The following NOX4 variants were observed in gnomAD, a reference collection of about 807,000 sequenced individuals.
NOX4 encodes the protein NADPH oxidase 4, also known as kidney oxidase-1.
Under a neutral mutation model 87.6 loss-of-function variants are expected in NOX4, and 69 were observed. The observed-to-expected ratio is 0.79, with a 90% CI of 0.65 to 0.96. NOX4 has a LOEUF of 0.96. Ranked by LOEUF, NOX4 falls within the 40% of genes least tolerant of loss-of-function variation. The probability of loss-of-function intolerance (pLI) is 0.00; values close to 1 mark genes in which losing one functional copy is unlikely to be tolerated. For synonymous variants in NOX4, 275 were observed against 238.2 expected, an observed-to-expected ratio of 1.15 and a Z score of -1.42; for missense variants, 680 against 681.5, an observed-to-expected ratio of 1.00 and a Z score of 0.02.
chr11:89,540,364 C>T, the NOX4 span, among the ~76,000 whole-genome samples: 1 of 152,066 alleles, frequency 6.6e-6, no homozygotes, highest in East Asian at 1.9e-4. Context: ...TAAGAAATTG[C>T]CTGTACTTAC....
At chr11:89,393,847 T>A (rs1941291576) in intron 11 of NOX4, among the ~76,000 whole-genome samples, 1 of 152,194 alleles carries the variant, frequency 6.6e-6, no homozygotes, top group Non-Finnish European at 1.5e-5. Context: ...AATTGAGTTC[T>A]AAAATCCTTG....
intron 5 of NOX4, among the ~76,000 whole-genome samples, chr11:89,442,138 AAG>A (rs1039816651): frequency 2.0e-5 from 3 of 151,454 alleles, no homozygotes; most frequent in African/African-American, 4.8e-5. Flanking sequence ...ATTTATTAAA[AAG>A]AGAGAAAAAA....
chr11:89,562,686 T>G, the NOX4 span, among the ~76,000 whole-genome samples: 10 of 152,336 alleles, frequency 6.6e-5, no homozygotes, highest in African/African-American at 2.4e-4. Context: ...TTTCTGAAAC[T>G]GTTCCTGACA....
chr11:89,429,305 G>A (rs1345769298), intron 7 of NOX4, among the ~76,000 whole-genome samples: 2 of 151,982 alleles, frequency 1.3e-5, no homozygotes, highest in South Asian at 2.1e-4. Flanking sequence ...AAGAACTAGA[G>A]AAGCAAGAGC....
the NOX4 span, among the ~76,000 whole-genome samples, chr11:89,549,496 AT>A: frequency 6.6e-6 from 1 of 152,086 alleles, no homozygotes; most frequent in Non-Finnish European, 1.5e-5. Flanking sequence ...GTACATTTTA[AT>A]TTTTTTATTA....
chr11:89,504,984 C>T, the NOX4 span, among the ~76,000 whole-genome samples: 1 of 151,894 alleles, frequency 6.6e-6, no homozygotes, highest in Non-Finnish European at 1.5e-5. Flanking sequence ...TTTTGGTTGC[C>T]ACCTTGCCTT....
chr11:89,561,552 G>T, the NOX4 span, among the ~76,000 whole-genome samples: 1 of 152,136 alleles, frequency 6.6e-6, no homozygotes, highest in Non-Finnish European at 1.5e-5. Flanking sequence ...CTAATGTTAA[G>T]TTATATTCAG....
chr11:89,473,464 CA>C (rs57686439), intron 2 of NOX4, among the ~76,000 whole-genome samples: 11,702 of 141,716 alleles, frequency 0.083, 1,398 homozygotes, highest in African/African-American at 0.27. Flanking sequence ...CCTGAATAAA[CA>C]AAAAAAAAAA....
chr11:89,494,601 G>T (rs1428408682), upstream of NOX4, among the ~76,000 whole-genome samples: 1 of 152,174 alleles, frequency 6.6e-6, no homozygotes, highest in Non-Finnish European at 1.5e-5. Flanking sequence ...TAGTGGTTAA[G>T]TATATCATCT....
chr11:89,394,725 T>A (rs1220314831), intron 11 of NOX4, among the ~76,000 whole-genome samples: 1 of 152,078 alleles, frequency 6.6e-6, no homozygotes, highest in East Asian at 1.9e-4. Context: ...ATTCTTCAAT[T>A]CCCACCTATG....
At chr11:89,562,462 C>T in the NOX4 span, among the ~76,000 whole-genome samples, 3 of 152,032 alleles carry the variant, frequency 2.0e-5, no homozygotes, top group Admixed American at 6.6e-5. Flanking sequence ...CCACTGATTC[C>T]GATATAAGTA....
chr11:89,452,852 C>G (rs1271847805), intron 2 of NOX4, among the ~76,000 whole-genome samples: 1 of 151,972 alleles, frequency 6.6e-6, no homozygotes, highest in Non-Finnish European at 1.5e-5. Context: ...GTAGCTAGGA[C>G]TACAGATGCA....
At chr11:89,502,779 A>C (rs931542957), upstream of NOX4, among the ~76,000 whole-genome samples, 1 of 152,096 alleles carries the variant, frequency 6.6e-6, no homozygotes, top group Admixed American at 6.6e-5. Flanking sequence ...AATTCAGGGA[A>C]TATATCGTAA....
intron 15 of NOX4, among the ~76,000 whole-genome samples, chr11:89,339,669 G>A (rs1945888930): frequency 2.0e-5 from 3 of 152,134 alleles, no homozygotes; most frequent in Admixed American, 2.0e-4. Context: ...TGGCAATCAA[G>A]GGTAAGTGCT....
the NOX4 span, among the ~76,000 whole-genome samples, chr11:89,551,806 TG>T: frequency 6.6e-6 from 1 of 152,128 alleles, no homozygotes; most frequent in Admixed American, 6.6e-5. Flanking sequence ...CTGATTGCCC[TG>T]GCCAGAACTT....
intron 13 of NOX4, among the ~76,000 whole-genome samples, chr11:89,352,275 A>T (rs1030478263): frequency 1.9e-4 from 29 of 152,304 alleles, no homozygotes; most frequent in African/African-American, 4.1e-4. Flanking sequence ...ATAAATTTTT[A>T]AAATTACTGC....
At chr11:89,406,971 T>C (rs962471127) in intron 8 of NOX4, among the ~76,000 whole-genome samples, 8 of 151,994 alleles carry the variant, frequency 5.3e-5, no homozygotes, top group African/African-American at 1.7e-4. Context: ...AATAGGAGAA[T>C]GGCATTCCAA....
upstream of NOX4, among the ~76,000 whole-genome samples, chr11:89,493,388 C>CAA (rs143056149): frequency 0.072 from 9,956 of 138,428 alleles, 401 homozygotes; most frequent in Middle Eastern, 0.14. Flanking sequence ...GACTCTATCT[C>CAA]AAAAAAAAAA....
chr11:89,529,014 C>T, the NOX4 span, among the ~76,000 whole-genome samples: 2 of 151,922 alleles, frequency 1.3e-5, no homozygotes, highest in East Asian at 1.9e-4. Flanking sequence ...GTTTTGTGAA[C>T]AGGTAGAAGA....
Sources: allele counts gnomAD v4.1 joint callset (sites outside exome capture counted in the v4.1 genomes callset), GRCh38; gene constraint gnomAD v4.1.1; transcripts MANE v1.5; gene names NCBI Gene and HGNC (gene_info 2026-07-23, HGNC 2026-07-21).